CNTNAP5: variants seen among roughly 807,000 people sequenced by gnomAD.
The protein encoded by CNTNAP5 is contactin associated protein family member 5.
CNTNAP5 carries 72 observed loss-of-function variants against 150.2 expected under a neutral mutation model. The ratio of observed to expected loss-of-function variants is 0.48; its 90% confidence interval spans 0.40 to 0.58. The LOEUF is 0.58. Ranked by LOEUF, CNTNAP5 falls within the 20% of genes least tolerant of loss-of-function variation. The probability of loss-of-function intolerance (pLI) is 0.00; values close to 1 mark genes in which losing one functional copy is unlikely to be tolerated. For missense variants in CNTNAP5, 1,636 were observed against 1,626.2 expected (o/e 1.01, Z -0.10); for synonymous variants, 672 against 619.8 (o/e 1.08, Z -1.25).
intron 12 of CNTNAP5, among the ~76,000 whole-genome samples, chr2:124,645,342 A>G (rs1316806831): frequency 6.6e-6 from 1 of 152,148 alleles, no homozygotes; most frequent in Non-Finnish European, 1.5e-5. Flanking sequence ...GCACTTTGGC[A>G]GGTTGTTTGA....
At chr2:124,510,972 A>G (rs1694574393) in intron 8 of CNTNAP5, among the ~76,000 whole-genome samples, 1 of 152,166 alleles carries the variant, frequency 6.6e-6, no homozygotes. Context: ...ATAAGGTACC[A>G]AGTGCCATGG....
At chr2:124,645,126 G>C (rs1237131524) in intron 12 of CNTNAP5, among the ~76,000 whole-genome samples, 4 of 151,848 alleles carry the variant, frequency 2.6e-5, no homozygotes, top group African/African-American at 9.7e-5. Context: ...AAGATTTTTG[G>C]TTATTTTATC....
intron 3 of CNTNAP5, among the ~76,000 whole-genome samples, chr2:124,309,327 T>A (rs570716778): frequency 1.0e-3 from 159 of 152,264 alleles, no homozygotes; most frequent in African/African-American, 3.6e-3. Flanking sequence ...ACAGATTAAA[T>A]GTGAGTATTG....
At chr2:124,295,827 C>T (rs1008488472) in intron 3 of CNTNAP5, among the ~76,000 whole-genome samples, 11 of 152,148 alleles carry the variant, frequency 7.2e-5, no homozygotes, top group African/African-American at 2.7e-4. Context: ...AGGGTAACTT[C>T]CTGACATTGC....
chr2:124,430,835 T>G (rs1692360612), intron 4 of CNTNAP5, among the ~76,000 whole-genome samples: 1 of 152,186 alleles, frequency 6.6e-6, no homozygotes, highest in Admixed American at 6.5e-5. Context: ...CACACCAAGT[T>G]CTTGATAGCA....
chr2:124,324,284 G>A (rs1031645715), intron 3 of CNTNAP5, among the ~76,000 whole-genome samples: 1 of 152,144 alleles, frequency 6.6e-6, no homozygotes, highest in African/African-American at 2.4e-5. Flanking sequence ...TGGGAGTCCA[G>A]GACACAGACA....
At position 124,871,984 on chromosome 2, in the gene CNTNAP5, A is replaced by G. The variant is rs1677759018; in HGVS notation, c.3436+2222A>G. On this transcript the variant is annotated intron_variant, in intron 21 of 23. Transcript: ENST00000682447. ...TAAATTATATGAACTTAGACTTGCT[A>G]ATTCTATCATCATATTTCTTACCCT... 2.6e-5 allele frequency among the ~76,000 whole-genome samples: 4 copies of G among 151,950 alleles called. No individual in the cohort carries two copies. The South Asian group carries it at 8.3e-4, about 31-fold the overall frequency.
At chr2:124,068,893 A>G (rs1682231716) in intron 1 of CNTNAP5, among the ~76,000 whole-genome samples, 1 of 151,994 alleles carries the variant, frequency 6.6e-6, no homozygotes, top group Admixed American at 6.6e-5. Context: ...GGGATTCATC[A>G]CCTGCTGATT....
At chr2:124,312,178 T>A (rs1439851865) in intron 3 of CNTNAP5, among the ~76,000 whole-genome samples, 2 of 152,212 alleles carry the variant, frequency 1.3e-5, no homozygotes, top group Non-Finnish European at 2.9e-5. Flanking sequence ...GATAGCTTGC[T>A]GAAGAGCAAA....
chr2:124,078,836 T>C (rs1682495891), intron 1 of CNTNAP5, among the ~76,000 whole-genome samples: 1 of 151,940 alleles, frequency 6.6e-6, no homozygotes, highest in South Asian at 2.1e-4. Flanking sequence ...GAAACGTCAA[T>C]ATATGGGGCA....
intron 13 of CNTNAP5, among the ~76,000 whole-genome samples, chr2:124,682,738 C>T (rs75890355): frequency 0.047 from 7,183 of 152,074 alleles, 550 homozygotes; most frequent in African/African-American, 0.16. Context: ...GAGAATCTAC[C>T]AGGTTCCTCA....
rs1445347348 is a variant in CNTNAP5 at position 124,609,899 on chromosome 2, C to T, written c.1855C>T (p.Gln619Ter). Residue 619 changes from glutamine to a stop codon, truncating the protein, a stop_gained, in exon 12 of 24, where the codon CAG (glutamine) becomes TAG (stop). Coordinates refer to ENST00000682447, the MANE Select transcript of CNTNAP5 (RefSeq NM_001367498.1). LOFTEE classifies it high-confidence loss of function. Reference protein sequence around the residue: ...SDGSGPLGPLQVYCNITEDKI... With the variant: ...SDGSGPLGPL ...TGGCAGCGGCCCACTGGGACCTCTC[C>T]AGGTGTACTGCAATATCACTGGTAA... is the stretch of plus-strand genomic sequence containing the variant. 3 of 1,613,820 alleles carry T rather than the reference C, an allele frequency of 1.9e-6. No homozygotes were observed. In the African/African-American group the frequency reaches 4.0e-5, roughly 22 times the overall value.
At chr2:124,677,499 C>A (rs932018409) in intron 13 of CNTNAP5, among the ~76,000 whole-genome samples, 1 of 152,186 alleles carries the variant, frequency 6.6e-6, no homozygotes, top group Non-Finnish European at 1.5e-5. Flanking sequence ...CTGATTGGTC[C>A]ATTTTACAGA....
At chr2:124,413,920 G>A (rs543683149) in intron 3 of CNTNAP5, among the ~76,000 whole-genome samples, 16 of 151,454 alleles carry the variant, frequency 1.1e-4, no homozygotes, top group African/African-American at 2.7e-4. Flanking sequence ...AAAGAACTTC[G>A]GAGAATAGCC....
At chr2:124,380,285 A>G (rs1227771653) in intron 3 of CNTNAP5, among the ~76,000 whole-genome samples, 1 of 152,148 alleles carries the variant, frequency 6.6e-6, no homozygotes, top group Non-Finnish European at 1.5e-5. Flanking sequence ...TTTCCATGAG[A>G]GATAAGGAAA....
At chr2:124,578,056 T>A (rs2104945799) in intron 11 of CNTNAP5, among the ~76,000 whole-genome samples, 1 of 148,534 alleles carries the variant, frequency 6.7e-6, no homozygotes, top group African/African-American at 2.5e-5. Context: ...ATGCCTGTAA[T>A]CCCAGCACTT....
intron 2 of CNTNAP5, among the ~76,000 whole-genome samples, chr2:124,222,627 T>C: frequency 6.6e-6 from 1 of 152,006 alleles, no homozygotes; most frequent in East Asian, 1.9e-4. Context: ...TATTTAATTT[T>C]GAGTATATTT....
chr2:124,513,064 A>T (rs986245924), intron 8 of CNTNAP5, among the ~76,000 whole-genome samples: 1 of 152,136 alleles, frequency 6.6e-6, no homozygotes, highest in African/African-American at 2.4e-5. Context: ...AAGTATGTAT[A>T]TGTATGTATT....
Position 124,914,511 on chromosome 2 carries a change from C to T in CNTNAP5, c.*223C>T, listed in dbSNP as rs747597213. 5 of 517,922 alleles carry T rather than the reference C, an allele frequency of 9.7e-6. No individual in the cohort carries two copies. The highest frequency in any genetic ancestry group is 4.7e-5 in the South Asian group (2 of 42,542). 32.1% of individuals were successfully genotyped at this position (517,922 alleles called of 1,614,324 possible). A position where few individuals can be genotyped will look rare whatever the true frequency, so the allele number is the denominator to read the frequency against. On this transcript the variant is annotated 3_prime_UTR_variant, in exon 24 of 24. Transcript: ENST00000682447. ...CTCTGATGAACCTATCGGGTGAAAA[C>T]GACCACTCAAGAGACTGACTTCGCC...
Sources: allele counts gnomAD v4.1 joint callset (sites outside exome capture counted in the v4.1 genomes callset), GRCh38; gene constraint gnomAD v4.1.1; transcripts MANE v1.5; gene names NCBI Gene and HGNC (gene_info 2026-07-23, HGNC 2026-07-21).